RUFY3: variants seen among roughly 807,000 people sequenced by gnomAD.
The protein encoded by RUFY3 is RUN and FYVE domain containing 3.
Under a neutral mutation model 84.0 loss-of-function variants are expected in RUFY3, and 34 were observed. That is an observed-to-expected ratio of 0.40 (90% confidence interval 0.31 to 0.54). The LOEUF (loss-of-function observed/expected upper bound fraction) is 0.54, where lower values mean the gene tolerates loss of function less well. Ranked by LOEUF, RUFY3 falls within the 20% of genes least tolerant of loss-of-function variation. RUFY3 has a pLI of 0.39. For synonymous variants in RUFY3, 242 were observed against 252.9 expected (o/e 0.96, Z 0.41); for missense variants, 507 against 736.8 (o/e 0.69, Z 3.61).
At chr4:70,729,935 G>T (rs986220022) in intron 1 of RUFY3, among the ~76,000 whole-genome samples, 15 of 129,422 alleles carry the variant, frequency 1.2e-4, no homozygotes, top group Admixed American at 1.6e-4. Flanking sequence ...TGTTTCTTTC[G>T]TTTTTTTTTT....
chr4:70,737,766 T>C (rs1720592541), intron 1 of RUFY3, among the ~76,000 whole-genome samples: 1 of 148,574 alleles, frequency 6.7e-6, no homozygotes, highest in Admixed American at 6.8e-5. Context: ...AATCTCCACC[T>C]GGATTCAAGC....
chr4:70,715,839 C>T (rs1192035273), intron 1 of RUFY3, among the ~76,000 whole-genome samples: 1 of 152,054 alleles, frequency 6.6e-6, no homozygotes, highest in African/African-American at 2.4e-5. Flanking sequence ...GAAGACCAGG[C>T]ACAGTGGCCA....
At position 70,806,612 on chromosome 4, in the gene RUFY3, C is replaced by A. The variant is rs530018591; in HGVS notation, c.1816C>A (p.Pro606Thr). 4.0e-5 allele frequency: 64 copies of A among 1,614,158 alleles called. No homozygotes were observed. Among genetic ancestry groups the A allele is most frequent in the South Asian group, 2.7e-4 (25 of 91,084 alleles). ...SSIKLERVCN[P>T]CHKHLMKQYS... ...TATCAAGCTTGAGCGAGTTTGCAAT[C>A]CCTGTCACAAGCATCTGATGAAGCA... The change falls in exon 18 of 18, where the codon CCC (proline) becomes ACC (threonine). Residue 606 changes from proline to threonine, a missense_variant. This residue lies in a region of RUFY3 where 334 missense variants were observed against 364.1 expected (regional missense o/e 0.92). Transcript: ENST00000381006.
At chr4:70,709,401 C>G (rs952037110) in intron 1 of RUFY3, among the ~76,000 whole-genome samples, 3 of 152,190 alleles carry the variant, frequency 2.0e-5, no homozygotes, top group Non-Finnish European at 4.4e-5. Flanking sequence ...GAACTTTCCT[C>G]TTTGTGGACC....
At chr4:70,725,751 A>C (rs115933640) in intron 1 of RUFY3, among the ~76,000 whole-genome samples, 386 of 152,364 alleles carry the variant, frequency 2.5e-3, no homozygotes, top group African/African-American at 7.6e-3. Context: ...GAGAGGCTTC[A>C]TTAAGTGAGA....
chr4:70,787,543 G>A (rs768946297), intron 10 of RUFY3, among the ~76,000 whole-genome samples: 2 of 151,864 alleles, frequency 1.3e-5, no homozygotes, highest in Admixed American at 6.6e-5. Context: ...TTACAGGTGT[G>A]AGCCATCACA....
intron 12 of RUFY3, chr4:70,792,695 T>C (rs1186829631): frequency 4.2e-6 from 4 of 947,232 alleles, no homozygotes; most frequent in African/African-American, 1.9e-5. Context: ...TTCTTTATCT[T>C]TTTCTTGGCA....
chr4:70,767,559 C>T (rs1393643643), intron 4 of RUFY3, among the ~76,000 whole-genome samples: 1 of 152,026 alleles, frequency 6.6e-6, no homozygotes, highest in East Asian at 1.9e-4. Flanking sequence ...GTTTTTAACT[C>T]AGTTGGGTAA....
At chr4:70,767,428 T>A (rs1369250996) in intron 4 of RUFY3, among the ~76,000 whole-genome samples, 1 of 151,746 alleles carries the variant, frequency 6.6e-6, no homozygotes, top group Non-Finnish European at 1.5e-5. Context: ...CTTTTTTTAG[T>A]GCTAAGTCAT....
intron 4 of RUFY3, among the ~76,000 whole-genome samples, chr4:70,767,402 G>T (rs57803233): frequency 0.073 from 11,056 of 150,756 alleles, 637 homozygotes; most frequent in East Asian, 0.21. Context: ...GAGCCACTGC[G>T]CCTGGCGATA....
intron 1 of RUFY3, among the ~76,000 whole-genome samples, chr4:70,734,014 A>T (rs1270113743): frequency 2.0e-5 from 3 of 152,250 alleles, no homozygotes; most frequent in Non-Finnish European, 4.4e-5. Flanking sequence ...AGTTTCACAC[A>T]TCTGTGAGTG....
chr4:70,716,563 G>T (rs1339448684), intron 1 of RUFY3, among the ~76,000 whole-genome samples: 1 of 152,076 alleles, frequency 6.6e-6, no homozygotes, highest in Non-Finnish European at 1.5e-5. Context: ...AGCATTGAAG[G>T]CCAGGTGCGG....
chr4:70,770,089 T>C (rs1443922595), intron 5 of RUFY3, among the ~76,000 whole-genome samples: 2 of 152,214 alleles, frequency 1.3e-5, no homozygotes, highest in African/African-American at 4.8e-5. Flanking sequence ...CCCAAAGTGC[T>C]GGGATTACAG....
chr4:70,741,617 G>A lies in RUFY3; in HGVS notation c.178+18866G>A, dbSNP rs778796933. ...ATCTTTCTTTTCCTTTCTTTTTGCC[G>A]TTTGCAAAGACTCTTGGGAGGATTT... is the stretch of plus-strand genomic sequence containing the variant. On this transcript the variant is annotated intron_variant, in intron 1 of 17. Transcript: ENST00000381006. 1.8e-5 allele frequency: 28 copies of A among 1,514,014 alleles called. No homozygotes were observed. In the East Asian group the frequency reaches 2.3e-4, roughly 12 times the overall value. 93.8% of individuals were successfully genotyped at this position (1,514,014 alleles called of 1,614,324 possible).
intron 9 of RUFY3, among the ~76,000 whole-genome samples, chr4:70,784,148 A>C (rs1729383483): frequency 6.6e-6 from 1 of 152,220 alleles, no homozygotes; most frequent in Non-Finnish European, 1.5e-5. Flanking sequence ...GAAGATAACC[A>C]GTTGCGAATT....
intron 6 of RUFY3, 34 bp downstream of exon 6, chr4:70,773,606 T>G: frequency 6.8e-7 from 1 of 1,469,196 alleles, no homozygotes; most frequent in South Asian, 1.2e-5. Flanking sequence ...TCTTTTCTCC[T>G]GATGTAGCAT....
rs775263546 is a variant in RUFY3, at chr4:70,788,986, T to A, written c.1239+13T>A. 6.2e-7 allele frequency: 1 copy of A among 1,613,232 alleles called. No homozygotes were observed. Among genetic ancestry groups the A allele is most frequent in the East Asian group, 2.2e-5 (1 of 44,876 alleles). Reference sequence around the variant, plus strand: ...CTTTAAGCTGCAGGTAGGGGAAATATGAGGAATAGACTCACTGGCTCTCTA... The same window carrying A: ...CTTTAAGCTGCAGGTAGGGGAAATAAGAGGAATAGACTCACTGGCTCTCTA... On this transcript the variant is annotated intron_variant, in intron 11 of 17. Transcript: ENST00000381006.
chr4:70,725,738 C>A (rs1372541310), intron 1 of RUFY3, among the ~76,000 whole-genome samples: 1 of 152,178 alleles, frequency 6.6e-6, no homozygotes, highest in Admixed American at 6.5e-5. Context: ...GGAGAAGGGT[C>A]AGGAGAGGCT....
intron 1 of RUFY3, among the ~76,000 whole-genome samples, chr4:70,743,018 T>G (rs745449552): frequency 6.6e-6 from 1 of 152,188 alleles, no homozygotes; most frequent in African/African-American, 2.4e-5. Flanking sequence ...TGTTGATTCA[T>G]TTAGTGTGTA....
Sources: allele counts gnomAD v4.1 joint callset (sites outside exome capture counted in the v4.1 genomes callset), GRCh38; gene constraint gnomAD v4.1.1; regional missense constraint gnomAD v4.1.1; transcripts MANE v1.5; gene names NCBI Gene and HGNC (gene_info 2026-07-23, HGNC 2026-07-21).